Variants in TMTC2 observed in about 807,000 individuals in gnomAD.
TMTC2 encodes the protein protein O-mannosyl-transferase TMTC2.
Under a neutral mutation model 82.4 loss-of-function variants are expected in TMTC2, and 43 were observed. The ratio of observed to expected loss-of-function variants is 0.52; its 90% CI spans 0.41 to 0.67. TMTC2 has a LOEUF of 0.67. TMTC2 is among the 30% of genes least tolerant of loss of function. TMTC2 has a pLI of 0.00. For missense variants in TMTC2, 919 were observed against 1,012.4 expected, an observed-to-expected ratio of 0.91 and a Z score of 1.25; for synonymous variants, 408 against 381.9, an observed-to-expected ratio of 1.07 and a Z score of -0.80.
At chr12:82,997,320 GTGTC>G (rs1357957549) in intron 8 of TMTC2, among the ~76,000 whole-genome samples, 2 of 71,960 alleles carry the variant, frequency 2.8e-5, no homozygotes, top group South Asian at 5.8e-4. Flanking sequence ...GTGTGTGTGT[GTGTC>G]TGTGTGTGTG....
At chr12:82,926,151 T>C (rs181951355) in intron 3 of TMTC2, among the ~76,000 whole-genome samples, 259 of 152,162 alleles carry the variant, frequency 1.7e-3, no homozygotes, top group African/African-American at 5.8e-3. Context: ...CAGCTAATTT[T>C]TTGTATTTTA....
chr12:82,845,252 A>ATAT (rs59603524), intron 1 of TMTC2, among the ~76,000 whole-genome samples: 156 of 38,704 alleles, frequency 4.0e-3, no homozygotes, highest in East Asian at 0.011. Flanking sequence ...AAAAAAAAAA[A>ATAT]ATATATATAT....
chr12:83,036,705 T>C (rs903590947), intron 9 of TMTC2, among the ~76,000 whole-genome samples: 2 of 152,172 alleles, frequency 1.3e-5, no homozygotes, highest in African/African-American at 2.4e-5. Flanking sequence ...TAGGATGGTG[T>C]CCTAGTCCAT....
intron 8 of TMTC2, among the ~76,000 whole-genome samples, chr12:83,016,491 T>C (rs1176483346): frequency 6.6e-6 from 1 of 152,224 alleles, no homozygotes; most frequent in Non-Finnish European, 1.5e-5. Flanking sequence ...TTAAGTATAA[T>C]CTTCAATTTG....
intron 1 of TMTC2, among the ~76,000 whole-genome samples, chr12:82,744,852 T>A (rs1875605170): frequency 6.6e-6 from 1 of 152,160 alleles, no homozygotes; most frequent in East Asian, 1.9e-4. Context: ...ACTTTCCCTA[T>A]GGAAACTTCA....
At chr12:83,001,635 CAAAAAAAAAA>C (rs34467744) in intron 8 of TMTC2, among the ~76,000 whole-genome samples, 1 of 93,180 alleles carries the variant, frequency 1.1e-5, no homozygotes, top group Admixed American at 1.2e-4. Flanking sequence ...AACTCTGTCT[CAAAAAAAAAA>C]AAAAAAAAAG....
At chr12:82,750,741 A>C (rs1875951917) in intron 1 of TMTC2, among the ~76,000 whole-genome samples, 1 of 152,158 alleles carries the variant, frequency 6.6e-6, no homozygotes, top group Admixed American at 6.5e-5. Context: ...ATTCCTCCCC[A>C]AAGTCTTCTG....
intron 11 of TMTC2, among the ~76,000 whole-genome samples, chr12:83,122,007 C>T (rs1054469489): frequency 2.0e-5 from 3 of 152,090 alleles, no homozygotes; most frequent in African/African-American, 4.8e-5. Flanking sequence ...ACCATGCCCC[C>T]ACCAACAGCA....
chr12:83,094,292 T>C (rs1228173247), intron 11 of TMTC2, among the ~76,000 whole-genome samples: 1 of 152,208 alleles, frequency 6.6e-6, no homozygotes, highest in Non-Finnish European at 1.5e-5. Context: ...AGAGGAATAG[T>C]GTTTAACCAA....
rs184691754 is a variant in TMTC2, at chr12:83,073,448, A to G, written c.2331+11617A>G. On this transcript the variant is annotated intron_variant, in intron 11 of 11. Coordinates refer to ENST00000321196, the MANE Select transcript of TMTC2 (RefSeq NM_152588.3). The stretch of plus-strand genomic sequence containing the variant: ...CTTAACTTTGGATAACCTGATGACA[A>G]TGTGTCTAGGTGAAAATCTTTTTGC... Among the ~76,000 whole-genome samples, 5 of 152,308 alleles carry G rather than the reference A, an allele frequency of 3.3e-5. No individual in the cohort carries two copies. The East Asian group carries it at 7.7e-4, about 24-fold the overall frequency.
intron 1 of TMTC2, among the ~76,000 whole-genome samples, chr12:82,718,565 T>C (rs1874008437): frequency 6.6e-6 from 1 of 152,206 alleles, no homozygotes; most frequent in African/African-American, 2.4e-5. Context: ...TTTGGGATAC[T>C]GTGAACGTCA....
intron 8 of TMTC2, among the ~76,000 whole-genome samples, chr12:83,021,029 T>C (rs1423527876): frequency 6.6e-6 from 1 of 152,206 alleles, no homozygotes; most frequent in Non-Finnish European, 1.5e-5. Flanking sequence ...TTACTTATAA[T>C]TTGAATGGTT....
At chr12:82,975,940 A>G (rs1338075399) in intron 7 of TMTC2, among the ~76,000 whole-genome samples, 1 of 151,156 alleles carries the variant, frequency 6.6e-6, no homozygotes, top group African/African-American at 2.4e-5. Flanking sequence ...GCATGTTTTT[A>G]GTGTTTACTA....
chr12:82,949,374 C>T (rs1877221964), intron 4 of TMTC2, among the ~76,000 whole-genome samples: 1 of 152,140 alleles, frequency 6.6e-6, no homozygotes, highest in Non-Finnish European at 1.5e-5. Context: ...GAAGGAAATA[C>T]TTGAAAGAGA....
intron 1 of TMTC2, among the ~76,000 whole-genome samples, chr12:82,762,756 A>G (rs1294295647): frequency 2.0e-5 from 3 of 152,242 alleles, no homozygotes; most frequent in African/African-American, 7.2e-5. Flanking sequence ...TGTGAATTTT[A>G]AAAGTGGATA....
Position 82,928,542 on chromosome 12 carries a change from A to G in TMTC2, c.1484-1889A>G, listed in dbSNP as rs544354431. ...TTTAATTTAAAGGATACAATTTTCT[A>G]TGGACTCATAATGCCAAGGCCTATG... is the stretch of plus-strand genomic sequence containing the variant. On this transcript the variant is annotated intron_variant, in intron 3 of 11. Transcript: ENST00000321196. Among the ~76,000 whole-genome samples, 42 of 152,332 alleles carry G rather than the reference A, an allele frequency of 2.8e-4. No individual in the cohort carries two copies. The South Asian group carries it at 7.7e-3, about 28-fold the overall frequency.
intron 1 of TMTC2, among the ~76,000 whole-genome samples, chr12:82,738,937 C>T (rs889825402): frequency 7.2e-5 from 11 of 151,990 alleles, no homozygotes; most frequent in African/African-American, 2.4e-4. Flanking sequence ...CACTTGAGGT[C>T]AGGAGTTCGA....
intron 1 of TMTC2, among the ~76,000 whole-genome samples, chr12:82,847,844 T>C (rs1189802863): frequency 1.3e-5 from 2 of 151,930 alleles, no homozygotes; most frequent in Admixed American, 6.6e-5. Context: ...ATACCTAATG[T>C]AAATGAGGAG....
intron 1 of TMTC2, among the ~76,000 whole-genome samples, chr12:82,797,766 G>C (rs924220202): frequency 2.0e-5 from 3 of 151,864 alleles, no homozygotes; most frequent in Admixed American, 1.3e-4. Flanking sequence ...GACAGAACCA[G>C]GACAGTATTA....
Sources: gnomAD v4.1 joint callset for allele counts (sites outside exome capture counted in the v4.1 genomes callset) on GRCh38, gnomAD v4.1.1 for gene constraint, MANE v1.5 for transcripts, NCBI Gene and HGNC (gene_info 2026-07-23, HGNC 2026-07-21) for gene names.